Variants in ZFYVE1 observed in about 807,000 individuals in gnomAD.
The protein encoded by ZFYVE1 is zinc finger FYVE-type containing 1, also known as zinc finger FYVE domain-containing protein 1.
A neutral mutation model predicts 74.4 loss-of-function variants in ZFYVE1; 30 were observed. That is an observed-to-expected ratio of 0.40 (90% confidence interval 0.30 to 0.55). ZFYVE1 has a LOEUF of 0.55. Among genes scored for constraint, ZFYVE1 ranks in the 20% least tolerant of loss-of-function variants. The pLI, the probability that ZFYVE1 is intolerant of heterozygous loss-of-function variation, is 0.42. For synonymous variants in ZFYVE1, 335 were observed against 385.1 expected, an observed-to-expected ratio of 0.87 and a Z score of 1.52; for missense variants, 703 against 1,011.6, an observed-to-expected ratio of 0.69 and a Z score of 4.14.
intron 2 of ZFYVE1, among the ~76,000 whole-genome samples, chr14:73,007,387 C>G (rs1370050131): frequency 6.6e-6 from 1 of 152,044 alleles, no homozygotes; most frequent in Non-Finnish European, 1.5e-5. Context: ...TCATACATTA[C>G]TCCAATTTTT....
At chr14:73,011,823 A>G (rs1894097061) in intron 2 of ZFYVE1, among the ~76,000 whole-genome samples, 1 of 150,612 alleles carries the variant, frequency 6.6e-6, no homozygotes, top group Non-Finnish European at 1.5e-5. Flanking sequence ...TGTCTGGCCT[A>G]AAACATTGTT....
At chr14:73,023,160 C>CAAAAAAAA (rs768012600) in intron 2 of ZFYVE1, among the ~76,000 whole-genome samples, 16 of 3,096 alleles carry the variant, frequency 5.2e-3, no homozygotes, top group African/African-American at 7.8e-3. Flanking sequence ...AATTCCATCT[C>CAAAAAAAA]AAAAAATATA....
rs1808950271 is a variant in ZFYVE1 at position 72,970,124 on chromosome 14, G to C, written c.*758C>G. On this transcript the variant is annotated 3_prime_UTR_variant, in exon 12 of 12. Transcript: ENST00000556143. Reference sequence around the variant, plus strand: ...AGCATCGGGACAGGAAGCCCTGCTGGAGAAGGCTCAGTTCCTTCCTTGCTG... The same window carrying C: ...AGCATCGGGACAGGAAGCCCTGCTGCAGAAGGCTCAGTTCCTTCCTTGCTG... 4.2e-6 allele frequency: 1 copy of C among 238,370 alleles called. No homozygotes were observed. Among genetic ancestry groups the C allele is most frequent in the African/African-American group, 2.3e-5 (1 of 43,662 alleles). 14.8% of individuals were successfully genotyped at this position (238,370 alleles called of 1,614,324 possible).
In ZFYVE1 at chr14:72,997,861, G is replaced by A; in HGVS notation, c.938C>T (p.Pro313Leu). ...GGTCTCATGGAAGATGATAACTGCA[G>A]GGCCCAGTGTGGATAAAGGGACATC... ...GLDVPLSTLG[P>L]AVIIFHETVH... The change falls in exon 3 of 12, where the codon CCT becomes CTT. Residue 313 changes from proline to leucine, a missense_variant. Coordinates refer to ENST00000556143, the MANE Select transcript of ZFYVE1 (RefSeq NM_021260.4). The A allele has an allele frequency of 6.2e-7, 1 of 1,610,632 alleles. No individual in the cohort carries two copies. Among genetic ancestry groups the A allele is most frequent in the Non-Finnish European group, 8.5e-7 (1 of 1,177,100 alleles).
intron 10 of ZFYVE1, 107 bp downstream of exon 10, chr14:72,974,672 C>G: frequency 7.1e-7 from 1 of 1,405,598 alleles, no homozygotes; most frequent in Non-Finnish European, 9.6e-7. Flanking sequence ...GAAGTACTCT[C>G]ACAAGGGAGA....
intron 2 of ZFYVE1, among the ~76,000 whole-genome samples, chr14:73,000,624 A>G (rs1203916123): frequency 6.6e-6 from 1 of 151,702 alleles, no homozygotes; most frequent in Non-Finnish European, 1.5e-5. Flanking sequence ...AAAAAAAAAG[A>G]CAACAAGCAT....
intron 2 of ZFYVE1, among the ~76,000 whole-genome samples, chr14:73,006,709 C>CT (rs35364666): frequency 0.15 from 11,854 of 77,788 alleles, 1,499 homozygotes; most frequent in Non-Finnish European, 0.2. Context: ...ACCCCAGTTC[C>CT]TTTTTTTTTT....
intron 2 of ZFYVE1, among the ~76,000 whole-genome samples, chr14:72,999,839 C>A (rs1157357262): frequency 6.6e-6 from 1 of 152,150 alleles, no homozygotes; most frequent in African/African-American, 2.4e-5. Flanking sequence ...AGGGGCAGAT[C>A]GCGTGAGGCC....
intron 4 of ZFYVE1, among the ~76,000 whole-genome samples, chr14:72,989,033 C>A (rs1893550486): frequency 6.7e-6 from 1 of 150,132 alleles, no homozygotes; most frequent in South Asian, 2.1e-4. Flanking sequence ...GGGGTTCAAG[C>A]CATTCTGCCT....
intron 2 of ZFYVE1, among the ~76,000 whole-genome samples, chr14:73,018,925 CAG>C (rs1172940052): frequency 1.4e-5 from 2 of 145,830 alleles, no homozygotes; most frequent in East Asian, 4.0e-4. Context: ...GCCTGGGTGA[CAG>C]AGACTCCATC....
At chr14:72,996,990 T>C (rs1955601347) in intron 3 of ZFYVE1, among the ~76,000 whole-genome samples, 1 of 152,208 alleles carries the variant, frequency 6.6e-6, no homozygotes, top group African/African-American at 2.4e-5. Flanking sequence ...GTGACAATCT[T>C]GCTTCCTATT....
rs1387927454 is a variant in ZFYVE1 at position 72,975,771 on chromosome 14, G to C, written c.1636-50C>G. 2 of 1,593,588 alleles carry C rather than the reference G, an allele frequency of 1.3e-6. No individual in the cohort carries two copies. Among genetic ancestry groups the C allele is most frequent in the South Asian group, 2.3e-5 (2 of 86,996 alleles). On this transcript the variant is annotated intron_variant, in intron 8 of 11. Transcript: ENST00000556143. This position sits in a 1 kb window ranked among gnomAD's most constrained non-coding sequence, Gnocchi z 4.1. ...TCATGCTCTGAGAAGGGAGTGAAAG[G>C]AAGGAGGAAGAGGGATGTTTGGTGA...
intron 8 of ZFYVE1, among the ~76,000 whole-genome samples, chr14:72,976,359 G>A (rs924290525): frequency 3.9e-5 from 6 of 152,200 alleles, no homozygotes; most frequent in South Asian, 4.2e-4. Context: ...TTACTTTCTC[G>A]CTATAAGGCC....
chr14:72,974,254 A>C, intron 10 of ZFYVE1, 61 bp from the exon 11 acceptor site: 6 of 1,477,636 alleles, frequency 4.1e-6, no homozygotes, highest in Non-Finnish European at 4.7e-6. Context: ...TGGAAAACTC[A>C]GGGACCAATA....
At chr14:73,023,314 TTA>T (rs1293332430) in intron 2 of ZFYVE1, among the ~76,000 whole-genome samples, 3,095 of 82,292 alleles carry the variant, frequency 0.038, 1 homozygote, top group South Asian at 0.058. Context: ...TATATATGTT[TTA>T]TATATAATAT....
At chr14:72,978,335 C>A in intron 6 of ZFYVE1, 101 bp from the exon 7 acceptor site, 1 of 1,064,130 alleles carries the variant, frequency 9.4e-7, no homozygotes, top group Admixed American at 2.1e-5. Context: ...AACTCCTGGG[C>A]TCAAGCAATC....
chr14:72,969,534 G>C lies in ZFYVE1; in HGVS notation c.*1348C>G. 1 of 598,996 alleles carries C rather than the reference G, an allele frequency of 1.7e-6. No homozygotes were observed. The highest frequency in any genetic ancestry group is 2.0e-5 in the South Asian group (1 of 49,030). The allele number at this position is 598,996 out of a possible 1,614,324, so 37.1% of individuals were successfully genotyped here. A position where few individuals can be genotyped will look rare whatever the true frequency, so the allele number is the denominator to read the frequency against. ...CCAGTCACTGGACCCCAGGAGGCAG[G>C]AGGAGCAGGGCTGAGAGGGACGACA... On this transcript the variant is annotated 3_prime_UTR_variant, in exon 12 of 12. Coordinates refer to ENST00000556143, the MANE Select transcript of ZFYVE1 (RefSeq NM_021260.4).
intron 2 of ZFYVE1, among the ~76,000 whole-genome samples, chr14:73,000,413 C>G (rs10141389): frequency 0.49 from 74,404 of 151,836 alleles, 18,799 homozygotes; most frequent in African/African-American, 0.59. Context: ...ACCAGCCTGG[C>G]CAACATGGTG....
In ZFYVE1 at chr14:73,026,977, A is replaced by C. The variant is rs1894477820; in HGVS notation, c.-486T>G. ...CGGCGTCGGGGGGCCGCAGGGCGCC[A>C]GTGGGGGCAGAGGCTATTCCTCAGG... On this transcript the variant is annotated 5_prime_UTR_variant, in exon 1 of 12. Coordinates refer to ENST00000556143, the MANE Select transcript of ZFYVE1 (RefSeq NM_021260.4). 2.5e-6 allele frequency: 1 copy of C among 398,538 alleles called. No individual in the cohort carries two copies. Among genetic ancestry groups the C allele is most frequent in the Non-Finnish European group, 4.4e-6 (1 of 226,248 alleles). 24.7% of individuals were successfully genotyped at this position (398,538 alleles called of 1,614,324 possible).
Sources: gnomAD v4.1 joint callset for allele counts (sites outside exome capture counted in the v4.1 genomes callset) on GRCh38, gnomAD v4.1.1 for gene constraint, Gnocchi (gnomAD v3.1) non-coding constraint, MANE v1.5 for transcripts, NCBI Gene and HGNC (gene_info 2026-07-23, HGNC 2026-07-21) for gene names.